ASXL3: variants seen among roughly 807,000 people sequenced by gnomAD.
ASXL3 encodes the protein putative Polycomb group protein ASXL3.
In ASXL3, 34 loss-of-function variants were observed where a neutral mutation model predicts 170.6. The observed-to-expected ratio is 0.20, with a 90% CI of 0.15 to 0.27. The LOEUF (loss-of-function observed/expected upper bound fraction) is 0.27, where lower values mean the gene tolerates loss of function less well. Ranked by LOEUF, ASXL3 falls within the 10% of genes least tolerant of loss-of-function variation. ASXL3 has a pLI of 1.00. For synonymous variants in ASXL3, 1,002 were observed against 989.1 expected, an observed-to-expected ratio of 1.01 and a Z score of -0.24; for missense variants, 2,592 against 2,695.3, an observed-to-expected ratio of 0.96 and a Z score of 0.85.
chr18:33,737,754 A>C (rs1313076724), intron 10 of ASXL3, among the ~76,000 whole-genome samples: 1 of 152,170 alleles, frequency 6.6e-6, no homozygotes, highest in African/African-American at 2.4e-5. Context: ...AGATGCCAAA[A>C]TAAGGTGATT....
chr18:33,708,308 T>C (rs184851295), intron 8 of ASXL3, among the ~76,000 whole-genome samples: 2 of 152,300 alleles, frequency 1.3e-5, no homozygotes, highest in African/African-American at 4.8e-5. Context: ...TTCTATCGTC[T>C]CAGTTTTCAT....
In ASXL3 at chr18:33,578,498, C is replaced by G; in HGVS notation, c.-134C>G. The G allele has an allele frequency of 5.5e-6, 2 of 364,046 alleles. No individual in the cohort carries two copies. The highest frequency in any genetic ancestry group is 8.1e-6 in the Non-Finnish European group (2 of 247,286). The allele number at this position is 364,046 out of a possible 1,614,324, so 22.6% of individuals were successfully genotyped here. Reference sequence around the variant, plus strand: ...GCCGCCGCCGCCGCCGCCGCCGCCGCCACCGCCCGCGCGCCTCCCCCCGCG... The same window carrying G: ...GCCGCCGCCGCCGCCGCCGCCGCCGGCACCGCCCGCGCGCCTCCCCCCGCG... On this transcript the variant is annotated 5_prime_UTR_variant, in exon 1 of 12. Coordinates refer to ENST00000269197, the MANE Select transcript of ASXL3 (RefSeq NM_030632.3).
chr18:33,696,926 A>T (rs1599507366), intron 8 of ASXL3, among the ~76,000 whole-genome samples: 1 of 152,174 alleles, frequency 6.6e-6, no homozygotes, highest in African/African-American at 2.4e-5. Flanking sequence ...CTCAACTTGG[A>T]CAAACATCAG....
At position 33,739,195 on chromosome 18, in the gene ASXL3, C is replaced by A. The variant is rs1196852422; in HGVS notation, c.1791C>A (p.Asp597Glu). 6.2e-7 allele frequency: 1 copy of A among 1,613,726 alleles called. No individual in the cohort carries two copies. The highest frequency in any genetic ancestry group is 1.7e-5 in the Admixed American group (1 of 59,966). The change falls in exon 11 of 12, where the codon GAC becomes GAA. Residue 597 changes from aspartate to glutamate, a missense_variant. Coordinates refer to ENST00000269197, the MANE Select transcript of ASXL3 (RefSeq NM_030632.3). ...GIAIDMELQS[D>E]PEEQLSENAC... ...CTATAGATATGGAGCTACAGAGTGA[C>A]CCTGAAGAACAGCTTTCAGAAAATG...
chr18:33,731,649 TAAG>T (rs1400692976), intron 8 of ASXL3, among the ~76,000 whole-genome samples: 15 of 152,142 alleles, frequency 9.9e-5, no homozygotes, highest in Admixed American at 9.8e-4. Context: ...ACCAACTACA[TAAG>T]AAGCCAGCCA....
At chr18:33,600,859 C>T (rs1241206169) in intron 1 of ASXL3, among the ~76,000 whole-genome samples, 1 of 152,140 alleles carries the variant, frequency 6.6e-6, no homozygotes. Flanking sequence ...GTTTCCTTCT[C>T]ATGAATATTC....
intron 8 of ASXL3, 58 bp downstream of exon 8, chr18:33,683,626 A>G (rs528665335): frequency 6.7e-7 from 1 of 1,487,320 alleles, no homozygotes; most frequent in African/African-American, 1.4e-5. Context: ...GATGAAGTGG[A>G]AGGTCTATTA....
intron 8 of ASXL3, among the ~76,000 whole-genome samples, chr18:33,717,854 T>C (rs2067190668): frequency 6.6e-6 from 1 of 152,168 alleles, no homozygotes; most frequent in African/African-American, 2.4e-5. Flanking sequence ...TTCTGGTTTG[T>C]GCACAGCTAA....
At position 33,741,245 on chromosome 18, in the gene ASXL3, A is replaced by AT. The variant is rs542059034; in HGVS notation, c.3039+806dup. On this transcript the variant is annotated intron_variant, in intron 11 of 11. Coordinates refer to ENST00000269197, the MANE Select transcript of ASXL3 (RefSeq NM_030632.3). ...AAACATGCCAGTCTGTCAAAAGCTTATTTTCAAAGTCATATGGACTTTATG... is the reference window on the plus strand; with the variant it reads ...AAACATGCCAGTCTGTCAAAAGCTTATTTTTCAAAGTCATATGGACTTTATG... Among the ~76,000 whole-genome samples the AT allele has an allele frequency of 8.4e-3, 1,284 of 152,264 alleles. 13 individuals carry two copies. Among genetic ancestry groups the AT allele is most frequent in the African/African-American group, 0.03 (1,237 of 41,562 alleles).
rs1340394720 is a variant in ASXL3 at position 33,734,430 on chromosome 18, A to AT, written c.1082+21dup. 11 of 1,472,038 alleles carry AT rather than the reference A, an allele frequency of 7.5e-6. No individual in the cohort carries two copies. Among genetic ancestry groups the AT allele is most frequent in the African/African-American group, 2.8e-5 (2 of 70,672 alleles). 91.2% of individuals were successfully genotyped at this position (1,472,038 alleles called of 1,614,324 possible). On this transcript the variant is annotated intron_variant, in intron 10 of 11. Coordinates refer to ENST00000269197, the MANE Select transcript of ASXL3 (RefSeq NM_030632.3). ...TATGGAGAAAAGTAAGTACTAGAGT[A>AT]TTTTTTCTCATTTCTCTGAGAAAGA...
intron 2 of ASXL3, among the ~76,000 whole-genome samples, chr18:33,635,393 C>G (rs1209596819): frequency 6.6e-6 from 1 of 152,170 alleles, no homozygotes; most frequent in Non-Finnish European, 1.5e-5. Context: ...CTTTTCTCCC[C>G]TTTTCTTTCC....
chr18:33,668,753 A>G (rs1168476388), intron 5 of ASXL3, among the ~76,000 whole-genome samples: 1 of 152,136 alleles, frequency 6.6e-6, no homozygotes, highest in African/African-American at 2.4e-5. Flanking sequence ...AGCTCTAGAA[A>G]TTGAGGTCAA....
intron 7 of ASXL3, among the ~76,000 whole-genome samples, chr18:33,679,674 G>A (rs751298361): frequency 2.6e-5 from 4 of 151,962 alleles, no homozygotes; most frequent in African/African-American, 4.8e-5. Context: ...GAAAGAGGGC[G>A]TTGCGTACTG....
chr18:33,646,575 T>C (rs933085149), intron 4 of ASXL3, among the ~76,000 whole-genome samples: 7 of 152,086 alleles, frequency 4.6e-5, no homozygotes, highest in Non-Finnish European at 8.8e-5. Context: ...CATATTTCCC[T>C]GAATAATTTT....
At chr18:33,679,711 A>C (rs1357555105) in intron 7 of ASXL3, among the ~76,000 whole-genome samples, 1 of 152,100 alleles carries the variant, frequency 6.6e-6, no homozygotes, top group East Asian at 1.9e-4. Flanking sequence ...GTTTTTACAC[A>C]TTTATCATTC....
At chr18:33,742,557 G>GT (rs1372402840) in intron 11 of ASXL3, among the ~76,000 whole-genome samples, 1 of 152,148 alleles carries the variant, frequency 6.6e-6, no homozygotes, top group Non-Finnish European at 1.5e-5. Flanking sequence ...ATATCTTGAA[G>GT]TCTTTCTTTT....
intron 2 of ASXL3, among the ~76,000 whole-genome samples, chr18:33,636,608 G>A (rs2065770225): frequency 6.6e-6 from 1 of 152,118 alleles, no homozygotes; most frequent in Admixed American, 6.6e-5. Flanking sequence ...GGGGCTTTGT[G>A]ATGCATCAGT....
At chr18:33,599,757 A>G (rs1175329564) in intron 1 of ASXL3, among the ~76,000 whole-genome samples, 1 of 152,150 alleles carries the variant, frequency 6.6e-6, no homozygotes, top group Non-Finnish European at 1.5e-5. Context: ...GGCACTAATA[A>G]GATTTCAGAG....
chr18:33,711,333 A>G (rs1388289961), intron 8 of ASXL3, among the ~76,000 whole-genome samples: 2 of 152,052 alleles, frequency 1.3e-5, no homozygotes, highest in Non-Finnish European at 1.5e-5. Flanking sequence ...TTAATTTTGT[A>G]TTTGATTTTG....
Sources: allele counts gnomAD v4.1 joint callset (sites outside exome capture counted in the v4.1 genomes callset), GRCh38; gene constraint gnomAD v4.1.1; transcripts MANE v1.5; gene names NCBI Gene and HGNC (gene_info 2026-07-23, HGNC 2026-07-21).